Variants in GPBP1L1 observed in about 807,000 individuals in gnomAD.
The protein encoded by GPBP1L1 is vasculin-like protein 1.
A neutral mutation model predicts 52.5 loss-of-function variants in GPBP1L1; 23 were observed. The ratio of observed to expected loss-of-function variants is 0.44; its 90% CI spans 0.32 to 0.62. The LOEUF is 0.62. GPBP1L1 is among the 20% of genes least tolerant of loss of function. GPBP1L1 has a pLI of 0.06. For missense variants in GPBP1L1, 596 were observed against 579.3 expected, an observed-to-expected ratio of 1.03 and a Z score of -0.30; for synonymous variants, 243 against 203.1, an observed-to-expected ratio of 1.20 and a Z score of -1.67.
chr1:45,642,435 C>CCTT lies in GPBP1L1; in HGVS notation c.541_542insAAG (p.Ser180_Gly181insGlu). 1 of 1,613,414 alleles carries CCTT rather than the reference C, an allele frequency of 6.2e-7. No individual in the cohort carries two copies. The highest frequency in any genetic ancestry group is 8.5e-7 in the Non-Finnish European group (1 of 1,179,388). On this transcript the variant is annotated inframe_insertion, in exon 7 of 13. Coordinates refer to ENST00000355105, the MANE Select transcript of GPBP1L1 (RefSeq NM_021639.5). ...TGGCAAAATCTACCTACCCCATACT[C>CCTT]CAGAAGGTGTCCCAATAGGTCTGCA...
chr1:45,634,309 CA>C, intron 8 of GPBP1L1, 73 bp from the exon 9 acceptor site: 1 of 1,433,320 alleles, frequency 7.0e-7, no homozygotes, highest in African/African-American at 1.4e-5. Context: ...AATCATAAAG[CA>C]AAGAGTGAAA....
At chr1:45,666,126 TCAAA>T (rs897985696) in intron 2 of GPBP1L1, among the ~76,000 whole-genome samples, 1 of 145,820 alleles carries the variant, frequency 6.9e-6, no homozygotes, top group Non-Finnish European at 1.5e-5. Flanking sequence ...AATGAAATCT[TCAAA>T]CACTTTTTTT....
chr1:45,655,540 G>A, intron 4 of GPBP1L1: 1 of 401,560 alleles, frequency 2.5e-6, no homozygotes, highest in East Asian at 4.5e-5. Context: ...TCCAGGAGAG[G>A]AGAAAAGCTA....
chr1:45,630,553 A>C lies in GPBP1L1; in HGVS notation c.1098T>G (p.His366Gln), dbSNP rs1007935839. Reference protein sequence around the residue: ...EPKENGEEGCHQNGLALPVVE... With the variant: ...EPKENGEEGCQQNGLALPVVE... Reference sequence around the variant, plus strand: ...CTACAGGGAGGGCAAGACCATTTTGATGACAGCCTTCCTCCCCATTTTCCT... The same window carrying C: ...CTACAGGGAGGGCAAGACCATTTTGCTGACAGCCTTCCTCCCCATTTTCCT... Residue 366 changes from histidine (H) to glutamine (Q), a missense_variant, in exon 11 of 13, where the codon CAT becomes CAG. Physicochemically the swap from His to Gln is conservative, Grantham distance 24. Transcript: ENST00000355105. The C allele has an allele frequency of 6.2e-7, 1 of 1,614,024 alleles. No individual in the cohort carries two copies. Among genetic ancestry groups the C allele is most frequent in the African/African-American group, 1.3e-5 (1 of 75,036 alleles).
intron 4 of GPBP1L1, chr1:45,658,704 C>CG (rs778690569): frequency 6.7e-6 from 2 of 298,548 alleles, no homozygotes; most frequent in Non-Finnish European, 1.2e-5. Flanking sequence ...TCCAGGTAGG[C>CG]GGATCACTTG....
chr1:45,673,147 C>A (rs1645094580), intron 2 of GPBP1L1, among the ~76,000 whole-genome samples: 2 of 152,060 alleles, frequency 1.3e-5, no homozygotes, highest in East Asian at 1.9e-4. Context: ...ATGGGATGTA[C>A]CAGTGAAGAC....
intron 6 of GPBP1L1, among the ~76,000 whole-genome samples, chr1:45,647,954 T>C (rs751448673): frequency 6.6e-6 from 1 of 152,126 alleles, no homozygotes; most frequent in Non-Finnish European, 1.5e-5. Flanking sequence ...TTTTTCTTTT[T>C]TTTTGAGACA....
At chr1:45,666,637 T>C (rs1370537602) in intron 2 of GPBP1L1, among the ~76,000 whole-genome samples, 1 of 152,172 alleles carries the variant, frequency 6.6e-6, no homozygotes, top group Non-Finnish European at 1.5e-5. Context: ...TGTAAAATGG[T>C]GCAGCTACTG....
chr1:45,630,753 A>G, intron 10 of GPBP1L1, 147 bp from the exon 11 acceptor site: 2 of 746,938 alleles, frequency 2.7e-6, no homozygotes, highest in Non-Finnish European at 4.2e-6. Flanking sequence ...TTTACAAATG[A>G]GGACCTGCTG....
At chr1:45,652,815 T>C (rs1402081407) in intron 6 of GPBP1L1, among the ~76,000 whole-genome samples, 1 of 152,180 alleles carries the variant, frequency 6.6e-6, no homozygotes, top group African/African-American at 2.4e-5. Flanking sequence ...ACCAGCTCTG[T>C]TGCTAATGCT....
At chr1:45,687,657 A>AC (rs959803180), upstream of GPBP1L1, 2 of 151,998 alleles carry the variant, frequency 1.3e-5, no homozygotes, top group African/African-American at 4.8e-5. Flanking sequence ...TTTCCGAACC[A>AC]CCCCCAAGCC....
In GPBP1L1 at chr1:45,659,126, A is replaced by T; in HGVS notation, c.-39T>A. 6.2e-7 allele frequency: 1 copy of T among 1,608,404 alleles called. No individual in the cohort carries two copies. The highest frequency in any genetic ancestry group is 8.5e-7 in the Non-Finnish European group (1 of 1,175,344). On this transcript the variant is annotated 5_prime_UTR_variant, in exon 4 of 13. An upstream open reading frame in the 5' UTR gains an earlier in-frame stop. Coordinates refer to ENST00000355105, the MANE Select transcript of GPBP1L1 (RefSeq NM_021639.5). The stretch of plus-strand genomic sequence containing the variant: ...CTCCTTTCAGTAAGGTGAGGCATCC[A>T]ACCTCATGGCCAGGATCTGAAAACA...
chr1:45,631,852 C>T (rs781426940), intron 10 of GPBP1L1, among the ~76,000 whole-genome samples: 18 of 152,080 alleles, frequency 1.2e-4, no homozygotes, highest in Non-Finnish European at 2.6e-4. Flanking sequence ...GAGGGGAGGT[C>T]GAGGCTGCAG....
chr1:45,680,310 C>G (rs1342671798), intron 2 of GPBP1L1, among the ~76,000 whole-genome samples: 1 of 145,970 alleles, frequency 6.9e-6, no homozygotes, highest in Admixed American at 7.0e-5. Context: ...ACAGTCTTGG[C>G]TCACTGCAAC....
intron 8 of GPBP1L1, among the ~76,000 whole-genome samples, chr1:45,638,909 T>C (rs1355612608): frequency 1.3e-5 from 2 of 152,230 alleles, no homozygotes; most frequent in Non-Finnish European, 2.9e-5. Flanking sequence ...AGAGTTTGGC[T>C]ATGAGAAACT....
chr1:45,682,861 T>C (rs916776280), intron 2 of GPBP1L1, among the ~76,000 whole-genome samples: 11 of 152,236 alleles, frequency 7.2e-5, no homozygotes, highest in Non-Finnish European at 1.3e-4. Flanking sequence ...GATTATAGGC[T>C]GTTTGAGGCA....
chr1:45,655,059 C>T, intron 5 of GPBP1L1, 131 bp downstream of exon 5: 1 of 1,189,444 alleles, frequency 8.4e-7, no homozygotes, highest in Non-Finnish European at 1.2e-6. Context: ...TGCGTAATGA[C>T]TACTAGAGAA....
intron 6 of GPBP1L1, among the ~76,000 whole-genome samples, chr1:45,647,166 A>ATTTTTTTTTTTTTTT (rs778113669): frequency 2.7e-5 from 3 of 112,640 alleles, no homozygotes; most frequent in Non-Finnish European, 5.4e-5. Context: ...ACTTCTTAGG[A>ATTTTTTTTTTTTTTT]TTTTTTTTTT....
In GPBP1L1 at chr1:45,660,995, T is replaced by G. The variant is rs1032577645; in HGVS notation, c.-867A>C. On this transcript the variant is annotated 5_prime_UTR_variant, in exon 3 of 13. Transcript: ENST00000355105. ...GAGCAAAGTTAAAACATTAGAACGA[T>G]GGGTAGGATGGATATTAAGAAATAG... 1 of 152,168 alleles carries G rather than the reference T, an allele frequency of 6.6e-6. No individual in the cohort carries two copies. The highest frequency in any genetic ancestry group is 1.5e-5 in the Non-Finnish European group (1 of 68,042). 9.4% of individuals were successfully genotyped at this position (152,168 alleles called of 1,614,324 possible).
Sources: gnomAD v4.1 joint callset for allele counts (sites outside exome capture counted in the v4.1 genomes callset) on GRCh38, gnomAD v4.1.1 for gene constraint, MANE v1.5 for transcripts, NCBI Gene and HGNC (gene_info 2026-07-23, HGNC 2026-07-21) for gene names.